The following BMP6 variants were observed in gnomAD, a reference collection of about 807,000 sequenced individuals.
BMP6 encodes the protein bone morphogenetic protein 6, also known as VG-1-R.
Under a neutral mutation model 54.1 loss-of-function variants are expected in BMP6, and 17 were observed. The ratio of observed to expected loss-of-function variants is 0.31; its 90% CI spans 0.22 to 0.47. The LOEUF is 0.47. Among genes scored for constraint, BMP6 ranks in the 20% least tolerant of loss-of-function variants. The pLI, the probability that BMP6 is intolerant of heterozygous loss-of-function variation, is 1.00. For synonymous variants in BMP6, 328 were observed against 291.2 expected (o/e 1.13, Z -1.28); for missense variants, 720 against 690.4 (o/e 1.04, Z -0.48).
intron 1 of BMP6, among the ~76,000 whole-genome samples, chr6:7,766,372 G>A (rs1581238357): frequency 6.6e-6 from 1 of 152,266 alleles, no homozygotes; most frequent in East Asian, 1.9e-4. Context: ...CAACATTTTG[G>A]GAGGCTGAAG....
chr6:7,830,194 G>A (rs553252158), intron 1 of BMP6, among the ~76,000 whole-genome samples: 4 of 151,998 alleles, frequency 2.6e-5, no homozygotes, highest in South Asian at 2.1e-4. Flanking sequence ...TCTCATATCC[G>A]TGCTCCTCTT....
intron 4 of BMP6, among the ~76,000 whole-genome samples, chr6:7,868,398 G>A (rs372552347): frequency 2.0e-5 from 3 of 152,114 alleles, no homozygotes; most frequent in African/African-American, 7.2e-5. Context: ...CCGTAGTGTC[G>A]GTGACACAAG....
intron 1 of BMP6, among the ~76,000 whole-genome samples, chr6:7,765,485 A>ATT (rs1757673255): frequency 6.6e-6 from 1 of 152,210 alleles, no homozygotes; most frequent in African/African-American, 2.4e-5. Flanking sequence ...ACCACACCTG[A>ATT]TATTAATAAG....
intron 1 of BMP6, among the ~76,000 whole-genome samples, chr6:7,834,768 G>C (rs550054136): frequency 1.3e-5 from 2 of 152,316 alleles, no homozygotes; most frequent in South Asian, 4.1e-4. Context: ...TGTGTAAATA[G>C]AAGATATTAC....
intron 1 of BMP6, among the ~76,000 whole-genome samples, chr6:7,782,525 A>G (rs1051552210): frequency 2.6e-5 from 4 of 152,116 alleles, no homozygotes; most frequent in African/African-American, 9.7e-5. Flanking sequence ...AGCCTGGCCA[A>G]CATGGTGAAA....
chr6:7,796,462 A>G (rs1758192024), intron 1 of BMP6, among the ~76,000 whole-genome samples: 1 of 152,268 alleles, frequency 6.6e-6, no homozygotes, highest in Non-Finnish European at 1.5e-5. Flanking sequence ...TGCATTAAGC[A>G]TGCTAAATAG....
chr6:7,809,474 T>C (rs1482578208), intron 1 of BMP6, among the ~76,000 whole-genome samples: 2 of 152,212 alleles, frequency 1.3e-5, no homozygotes, highest in Non-Finnish European at 2.9e-5. Flanking sequence ...AAAGAATGCG[T>C]AGCATGAGCA....
chr6:7,845,402 C>T, intron 2 of BMP6, 70 bp downstream of exon 2: 1 of 1,439,846 alleles, frequency 6.9e-7, no homozygotes, highest in South Asian at 1.3e-5. Context: ...ATGACAATAA[C>T]CCCAGCTATG....
chr6:7,769,086 A>G (rs1465179016), intron 1 of BMP6, among the ~76,000 whole-genome samples: 1 of 152,230 alleles, frequency 6.6e-6, no homozygotes, highest in Non-Finnish European at 1.5e-5. Flanking sequence ...TGAGTATGTG[A>G]CGTGTTAATA....
rs34688227 is a variant in BMP6 at position 7,769,369 on chromosome 6, T to TG, written c.664+41757dup. On this transcript the variant is annotated intron_variant, in intron 1 of 6. Coordinates refer to ENST00000283147, the MANE Select transcript of BMP6 (RefSeq NM_001718.6). ...TACACCCCATCCAAATCAGGATGCC[T>TG]GGGGGGGTGGGAGTTTGGCATCAGC... Among the ~76,000 whole-genome samples, 373 of 152,176 alleles carry TG rather than the reference T, an allele frequency of 2.5e-3. 2 individuals carry two copies. Among genetic ancestry groups the TG allele is most frequent in the African/African-American group, 8.4e-3 (349 of 41,512 alleles).
chr6:7,809,725 G>T (rs1485552437), intron 1 of BMP6, among the ~76,000 whole-genome samples: 2 of 152,124 alleles, frequency 1.3e-5, no homozygotes, highest in Non-Finnish European at 2.9e-5. Context: ...GATTTTTTAG[G>T]GTCGACAGCC....
At chr6:7,731,292 A>G (rs1418111296) in intron 1 of BMP6, among the ~76,000 whole-genome samples, 1 of 152,174 alleles carries the variant, frequency 6.6e-6, no homozygotes, top group Admixed American at 6.5e-5. Flanking sequence ...ATCCCTGCCA[A>G]TTTGGTGACC....
intron 4 of BMP6, among the ~76,000 whole-genome samples, chr6:7,864,125 T>C (rs1759380834): frequency 6.6e-6 from 1 of 152,036 alleles, no homozygotes; most frequent in South Asian, 2.1e-4. Context: ...GCCAGTCCCG[T>C]AGCTAGTTAG....
intron 2 of BMP6, among the ~76,000 whole-genome samples, chr6:7,860,742 T>A (rs1283966728): frequency 1.3e-5 from 2 of 152,160 alleles, no homozygotes; most frequent in Non-Finnish European, 2.9e-5. Flanking sequence ...TGCAGACCAT[T>A]CAGAGGCCTT....
intron 1 of BMP6, among the ~76,000 whole-genome samples, chr6:7,770,517 A>G (rs958311093): frequency 2.6e-5 from 4 of 152,220 alleles, no homozygotes; most frequent in Admixed American, 2.6e-4. Flanking sequence ...TGGGACTGGA[A>G]CAAAACCTCA....
intron 1 of BMP6, among the ~76,000 whole-genome samples, chr6:7,833,786 G>A (rs267186): frequency 0.42 from 63,790 of 152,038 alleles, 13,893 homozygotes; most frequent in East Asian, 0.72. Context: ...AGTTTATAAC[G>A]TCTTTAGGAG....
chr6:7,861,683 G>A, intron 3 of BMP6, 84 bp downstream of exon 3: 3 of 1,554,566 alleles, frequency 1.9e-6, no homozygotes, highest in Non-Finnish European at 2.6e-6. Context: ...ATAGAACCGT[G>A]GGCAACAGGC....
At chr6:7,841,425 G>A (rs558832906) in intron 1 of BMP6, among the ~76,000 whole-genome samples, 15 of 152,268 alleles carry the variant, frequency 9.9e-5, no homozygotes, top group Admixed American at 6.5e-4. Context: ...GAATTGCTGC[G>A]CTCATTGGAA....
chr6:7,862,755 TTC>T (rs769306795), intron 4 of BMP6, among the ~76,000 whole-genome samples: 2 of 152,290 alleles, frequency 1.3e-5, no homozygotes, highest in African/African-American at 4.8e-5. Context: ...ACAAGCATCT[TTC>T]TGTTTGGTTA....
Sources: allele counts gnomAD v4.1 joint callset (sites outside exome capture counted in the v4.1 genomes callset), GRCh38; gene constraint gnomAD v4.1.1; transcripts MANE v1.5; gene names NCBI Gene and HGNC (gene_info 2026-07-23, HGNC 2026-07-21).